Variants in PHLDB3 observed in about 807,000 individuals in gnomAD.
PHLDB3 encodes pleckstrin homology-like domain family B member 3.
A neutral mutation model predicts 85.7 loss-of-function variants in PHLDB3; 86 were observed. The observed-to-expected ratio is 1.00, with a 90% CI of 0.84 to 1.20. PHLDB3 has a LOEUF of 1.20. Ranked by LOEUF, PHLDB3 falls within the 50% of genes most tolerant of loss-of-function variation. The pLI, the probability that PHLDB3 is intolerant of heterozygous loss-of-function variation, is 0.00. For synonymous variants in PHLDB3, 376 were observed against 349.8 expected, an observed-to-expected ratio of 1.07 and a Z score of -0.83; for missense variants, 995 against 873.0, an observed-to-expected ratio of 1.14 and a Z score of -1.76.
chr19:43,478,108 C>T lies in PHLDB3; in HGVS notation c.1727G>A (p.Gly576Asp), dbSNP rs1228106877. ...YADKEETKLK[G>D]VIYFQAIEEV... ...CTCAATGGCCTGGAAGTAGATGACA[C>T]CTTTGAGCTTGGTCTCTTCCTTGTC... is the stretch of plus-strand genomic sequence containing the variant. Residue 576 changes from glycine to aspartate, a missense_variant, in exon 15 of 16, where the codon GGT becomes GAT. Coordinates refer to ENST00000292140, the MANE Select transcript of PHLDB3 (RefSeq NM_198850.4). The T allele has an allele frequency of 1.9e-6, 3 of 1,613,440 alleles. No individual in the cohort carries two copies. Among genetic ancestry groups the T allele is most frequent in the South Asian group, 2.2e-5 (2 of 91,066 alleles).
chr19:43,496,912 G>T, intron 6 of PHLDB3: 2 of 750,940 alleles, frequency 2.7e-6, no homozygotes, highest in Non-Finnish European at 3.6e-6. Flanking sequence ...TCATAAGTTT[G>T]TTGTAAGGAT....
chr19:43,497,702 ACT>A (rs1428235736), intron 5 of PHLDB3, 44 bp downstream of exon 5: 4 of 1,538,516 alleles, frequency 2.6e-6, no homozygotes, highest in Admixed American at 4.0e-5. Context: ...ACGAGGCGAG[ACT>A]CTGTCTCAAA....
chr19:43,488,064 G>T (rs1405748452), intron 9 of PHLDB3, among the ~76,000 whole-genome samples: 3 of 151,826 alleles, frequency 2.0e-5, no homozygotes, highest in African/African-American at 7.3e-5. Flanking sequence ...TGAGGCAGGA[G>T]AATTGCTTGA....
At chr19:43,477,259 G>A (rs907413689) in intron 15 of PHLDB3, among the ~76,000 whole-genome samples, 6 of 148,346 alleles carry the variant, frequency 4.0e-5, no homozygotes, top group African/African-American at 5.3e-5. Flanking sequence ...GGTGGCTCAC[G>A]CCTGTAATCC....
chr19:43,497,074 G>C (rs1163542509), intron 6 of PHLDB3, 44 bp downstream of exon 6: 1 of 1,398,736 alleles, frequency 7.1e-7, no homozygotes, highest in Non-Finnish European at 9.3e-7. Flanking sequence ...AGGGGAGACA[G>C]AGAGGAGCAG....
Position 43,497,861 on chromosome 19 carries a change from T to C in PHLDB3, c.550A>G (p.Ser184Gly). 1 of 1,587,520 alleles carries C rather than the reference T, an allele frequency of 6.3e-7. No individual in the cohort carries two copies. The highest frequency in any genetic ancestry group is 8.6e-7 in the Non-Finnish European group (1 of 1,167,568). The change falls in exon 5 of 16, where the codon AGC (serine) becomes GGC (glycine). Residue 184 changes from serine to glycine, a missense_variant. Transcript: ENST00000292140. ...QQREQEQRRL[S>G]QERDRLEGLR... ...CCCTCTAGGCGATCCCGTTCCTGGC[T>C]CAGCCGCCTCTGTTCCTGAAAGAAC...
chr19:43,478,838 C>T (rs917557762), intron 14 of PHLDB3, among the ~76,000 whole-genome samples: 5 of 152,086 alleles, frequency 3.3e-5, no homozygotes, highest in African/African-American at 4.8e-5. Flanking sequence ...TCGCTTGAGC[C>T]GGGGAGGTGG....
At chr19:43,486,242 C>CGT in intron 13 of PHLDB3, 24 bp downstream of exon 13, 1 of 1,439,286 alleles carries the variant, frequency 6.9e-7, no homozygotes, top group Non-Finnish European at 9.4e-7. Flanking sequence ...GAGAGGTGGG[C>CGT]GTGAGGGCGG....
At chr19:43,475,889 G>A (rs1417944178) in intron 15 of PHLDB3, among the ~76,000 whole-genome samples, 1 of 151,948 alleles carries the variant, frequency 6.6e-6, no homozygotes, top group Non-Finnish European at 1.5e-5. Flanking sequence ...TCCACCTCTC[G>A]AGTTCAAGCG....
Position 43,502,280 on chromosome 19 carries a change from C to T in PHLDB3, c.217G>A (p.Glu73Lys), listed in dbSNP as rs868637101. 1.9e-6 allele frequency: 3 copies of T among 1,554,890 alleles called. No individual in the cohort carries two copies. Among genetic ancestry groups the T allele is most frequent in the Middle Eastern group, 1.7e-4 (1 of 5,980 alleles). The part of the protein sequence containing the change: ...SSTESSRDAP[E>K]ATPPIAMAAT... ...GCCATAGCTATCGGAGGCGTAGCCT[C>T]GGGCTGAAGTTGAGGGGGGCGTGGT... The change falls in exon 3 of 16, where the codon GAG (glutamate) becomes AAG (lysine). Residue 73 changes from glutamate (E) to lysine (K), a missense_variant. Coordinates refer to ENST00000292140, the MANE Select transcript of PHLDB3 (RefSeq NM_198850.4).
At chr19:43,484,149 G>T (rs899724451) in intron 13 of PHLDB3, among the ~76,000 whole-genome samples, 11 of 151,628 alleles carry the variant, frequency 7.3e-5, no homozygotes, top group Non-Finnish European at 1.2e-4. Flanking sequence ...TACTCCAGAG[G>T]CTGAGGCGGG....
intron 2 of PHLDB3, among the ~76,000 whole-genome samples, chr19:43,503,481 T>G (rs1971669257): frequency 6.6e-6 from 1 of 152,138 alleles, no homozygotes; most frequent in Non-Finnish European, 1.5e-5. Flanking sequence ...TTTTGTATTT[T>G]TTTTTTCTCT....
At chr19:43,489,345 C>T (rs953366639) in intron 9 of PHLDB3, among the ~76,000 whole-genome samples, 5 of 147,540 alleles carry the variant, frequency 3.4e-5, no homozygotes, top group African/African-American at 7.5e-5. Context: ...CCAGCCTGGG[C>T]GACAGTGAGA....
rs571507550 is a variant in PHLDB3, at chr19:43,483,139, G to A, written c.1485+3127C>T. Among the ~76,000 whole-genome samples, 13 of 152,284 alleles carry A rather than the reference G, an allele frequency of 8.5e-5. No homozygotes were observed. In the East Asian group the frequency reaches 1.7e-3, roughly 20 times the overall value. Reference sequence around the variant, plus strand: ...TAAAAACAAAAAGGTTGGGAAGGATGTGCTTATTTATGAGACAAATTCACA... The same window carrying A: ...TAAAAACAAAAAGGTTGGGAAGGATATGCTTATTTATGAGACAAATTCACA... On this transcript the variant is annotated intron_variant, in intron 13 of 15. Coordinates refer to ENST00000292140, the MANE Select transcript of PHLDB3 (RefSeq NM_198850.4).
At position 43,475,356 on chromosome 19, in the gene PHLDB3, C is replaced by T; in HGVS notation, c.*54G>A. On this transcript the variant is annotated 3_prime_UTR_variant, in exon 16 of 16. Coordinates refer to ENST00000292140, the MANE Select transcript of PHLDB3 (RefSeq NM_198850.4). Reference sequence around the variant, plus strand: ...TGGGCGGGGCCTAGGAACGCCCCCGCGCCCCGCGCCGGCGGAGCCTCGAAG... The same window carrying T: ...TGGGCGGGGCCTAGGAACGCCCCCGTGCCCCGCGCCGGCGGAGCCTCGAAG... 3.8e-6 allele frequency: 6 copies of T among 1,596,356 alleles called. No individual in the cohort carries two copies. The Middle Eastern group carries it at 5.3e-4, about 141-fold the overall frequency.
intron 2 of PHLDB3, 57 bp downstream of exon 2, chr19:43,503,849 C>T: frequency 6.2e-7 from 1 of 1,604,078 alleles, no homozygotes. Context: ...TGTCTGGCCA[C>T]CTGTTTGGGT....
chr19:43,486,757 C>T (rs765368872), intron 11 of PHLDB3, 23 bp downstream of exon 11: 2 of 1,609,944 alleles, frequency 1.2e-6, no homozygotes, highest in Non-Finnish European at 1.7e-6. Context: ...TTCCATCTCC[C>T]CACCTTCTCT....
chr19:43,489,369 G>GTATTTT (rs1971260287), intron 9 of PHLDB3, among the ~76,000 whole-genome samples: 4 of 140,366 alleles, frequency 2.8e-5, no homozygotes, highest in Non-Finnish European at 6.1e-5. Context: ...ATCTCTTAAA[G>GTATTTT]TTTTTTTTTT....
At position 43,478,121 on chromosome 19, in the gene PHLDB3, T is replaced by A. The variant is rs1401429475; in HGVS notation, c.1714A>T (p.Thr572Ser). 1 of 1,612,764 alleles carries A rather than the reference T, an allele frequency of 6.2e-7. No individual in the cohort carries two copies. Among genetic ancestry groups the A allele is most frequent in the African/African-American group, 1.3e-5 (1 of 74,892 alleles). ...RLAYYADKEE[T>S]KLKGVIYFQA... ...AAGTAGATGACACCTTTGAGCTTGG[T>A]CTCTTCCTTGTCTGGTAGGGGAGGT... The change falls in exon 15 of 16, where the codon ACC becomes TCC. Residue 572 changes from threonine (T) to serine (S), a missense_variant. Physicochemically the swap from Thr to Ser is moderately conservative, Grantham distance 58. Coordinates refer to ENST00000292140, the MANE Select transcript of PHLDB3 (RefSeq NM_198850.4).
Sources: allele counts gnomAD v4.1 joint callset (sites outside exome capture counted in the v4.1 genomes callset), GRCh38; gene constraint gnomAD v4.1.1; transcripts MANE v1.5; gene names NCBI Gene and HGNC (gene_info 2026-07-23, HGNC 2026-07-21).